NAA11: variants seen among roughly 807,000 people sequenced by gnomAD.
NAA11 encodes the protein N-alpha-acetyltransferase 11.
Under a neutral mutation model 16.1 loss-of-function variants are expected in NAA11, and 15 were observed. That is an observed-to-expected ratio of 0.93 (90% CI 0.62 to 1.44). The LOEUF (loss-of-function observed/expected upper bound fraction) is 1.44. NAA11 is among the 40% of genes most tolerant of loss of function. The probability of loss-of-function intolerance (pLI) is 0.00; values close to 1 mark genes in which losing one functional copy is unlikely to be tolerated. For synonymous variants in NAA11, 122 were observed against 112.4 expected (o/e 1.09, Z -0.54); for missense variants, 298 against 291.3 (o/e 1.02, Z -0.17).
the NAA11 span, among the ~76,000 whole-genome samples, chr4:79,176,428 G>A: frequency 6.6e-6 from 1 of 152,080 alleles, no homozygotes; most frequent in African/African-American, 2.4e-5. Context: ...TCCAAAATCT[G>A]ATGGGCGAGG....
chr4:79,230,285 G>T (rs1056593402), intron 2 of NAA11, among the ~76,000 whole-genome samples: 3 of 151,638 alleles, frequency 2.0e-5, no homozygotes, highest in Non-Finnish European at 4.4e-5. Flanking sequence ...GGGGTGGGGG[G>T]AGAGGGGAGG....
At chr4:79,286,270 A>G (rs1371443628) in intron 2 of NAA11, among the ~76,000 whole-genome samples, 1 of 152,104 alleles carries the variant, frequency 6.6e-6, no homozygotes, top group Admixed American at 6.6e-5. Context: ...AATAAACTGT[A>G]CCAGTATACA....
chr4:79,270,025 G>A (rs1263068647), intron 2 of NAA11, among the ~76,000 whole-genome samples: 11 of 151,216 alleles, frequency 7.3e-5, no homozygotes, highest in South Asian at 6.3e-4. Context: ...GGTATGCGGC[G>A]TTATTTCTGA....
At chr4:79,265,809 G>A (rs539277271) in intron 2 of NAA11, among the ~76,000 whole-genome samples, 14 of 151,942 alleles carry the variant, frequency 9.2e-5, no homozygotes, top group Admixed American at 9.2e-4. Flanking sequence ...AGAGATGAGG[G>A]TCTTGCTTTG....
the NAA11 span, among the ~76,000 whole-genome samples, chr4:79,167,015 G>T: frequency 6.9e-6 from 1 of 145,440 alleles, no homozygotes; most frequent in Non-Finnish European, 1.5e-5. Flanking sequence ...CTAGGGTACT[G>T]GAATTAGTCA....
the NAA11 span, among the ~76,000 whole-genome samples, chr4:79,171,102 A>C: frequency 6.6e-6 from 1 of 152,196 alleles, no homozygotes; most frequent in Non-Finnish European, 1.5e-5. Context: ...TCTAGAGAAT[A>C]GCCATGGTTT....
At chr4:79,168,440 C>T in the NAA11 span, among the ~76,000 whole-genome samples, 12 of 152,156 alleles carry the variant, frequency 7.9e-5, no homozygotes, top group Admixed American at 5.2e-4. Context: ...CTTGAGAGAT[C>T]GCCACACTGT....
intron 2 of NAA11, among the ~76,000 whole-genome samples, chr4:79,264,006 C>G (rs1722291651): frequency 6.6e-6 from 1 of 152,192 alleles, no homozygotes; most frequent in South Asian, 2.1e-4. Context: ...CTCCAACTCC[C>G]AAAGAATTGG....
At chr4:79,312,605 A>ACTGGAC (rs1723805703), downstream of NAA11, among the ~76,000 whole-genome samples, 1 of 138,808 alleles carries the variant, frequency 7.2e-6, no homozygotes, top group Non-Finnish European at 1.5e-5. Flanking sequence ...AGATTGTGCC[A>ACTGGAC]CTGGACTCCA....
At chr4:79,244,482 G>A (rs1435316316) in intron 2 of NAA11, among the ~76,000 whole-genome samples, 1 of 152,056 alleles carries the variant, frequency 6.6e-6, no homozygotes, top group South Asian at 2.1e-4. Flanking sequence ...ACTGAAATTG[G>A]AGTAAATGTT....
At chr4:79,204,853 G>A in the NAA11 span, among the ~76,000 whole-genome samples, 1 of 151,104 alleles carries the variant, frequency 6.6e-6, no homozygotes, top group African/African-American at 2.4e-5. Flanking sequence ...TAGGATAATG[G>A]CCTCCAGTTC....
the NAA11 span, among the ~76,000 whole-genome samples, chr4:79,216,197 G>A: frequency 1.8e-4 from 28 of 152,020 alleles, no homozygotes; most frequent in African/African-American, 6.8e-4. Context: ...GTGTACTGTA[G>A]AAAAGTTGGG....
intron 1 of NAA11, among the ~76,000 whole-genome samples, chr4:79,300,945 T>A (rs1379573265): frequency 6.6e-6 from 1 of 152,208 alleles, no homozygotes; most frequent in Non-Finnish European, 1.5e-5. Flanking sequence ...ATGCACTCCA[T>A]GACTTTGCAG....
the NAA11 span, among the ~76,000 whole-genome samples, chr4:79,202,623 T>TTATGTATATATATATATATATATATATA: frequency 3.8e-5 from 2 of 52,622 alleles, no homozygotes; most frequent in Non-Finnish European, 9.0e-5. Flanking sequence ...ATATATAGTT[T>TTATGTATATATATATATATATATATATA]TATATATATA....
chr4:79,157,156 G>A, the NAA11 span, among the ~76,000 whole-genome samples: 6 of 152,098 alleles, frequency 3.9e-5, no homozygotes, highest in South Asian at 1.2e-3. Flanking sequence ...TTCGTTATAT[G>A]AGTAAGTTCT....
the NAA11 span, among the ~76,000 whole-genome samples, chr4:79,202,495 T>C: frequency 4.1e-5 from 6 of 144,620 alleles, no homozygotes; most frequent in African/African-American, 1.5e-4. Flanking sequence ...TGAAAGTCTT[T>C]TCATTGGCCA....
intron 2 of NAA11, among the ~76,000 whole-genome samples, chr4:79,246,402 A>AGAAAG (rs1553891525): frequency 2.9e-5 from 1 of 34,646 alleles, no homozygotes; most frequent in African/African-American, 1.0e-4. Context: ...AAAAAAAAGA[A>AGAAAG]AAAATAAGAA....
chr4:79,235,702 G>A (rs923546712), intron 2 of NAA11, among the ~76,000 whole-genome samples: 1 of 151,992 alleles, frequency 6.6e-6, no homozygotes, highest in Non-Finnish European at 1.5e-5. Context: ...AACCTTAAGT[G>A]TGTCTTTCTG....
At chr4:79,272,137 G>A (rs1722509139) in intron 2 of NAA11, among the ~76,000 whole-genome samples, 1 of 150,882 alleles carries the variant, frequency 6.6e-6, no homozygotes, top group Non-Finnish European at 1.5e-5. Context: ...ACACAAATAA[G>A]GCTCCACAGA....
Sources: allele counts gnomAD v4.1 joint callset (sites outside exome capture counted in the v4.1 genomes callset), GRCh38; gene constraint gnomAD v4.1.1; transcripts MANE v1.5; gene names NCBI Gene and HGNC (gene_info 2026-07-23, HGNC 2026-07-21).